CISD1: variants seen among roughly 807,000 people sequenced by gnomAD.
The protein encoded by CISD1 is CDGSH iron-sulfur domain-containing protein 1.
In CISD1, 8 loss-of-function variants were observed where a neutral mutation model predicts 12.0. That is an observed-to-expected ratio of 0.67 (90% CI 0.39 to 1.20). The LOEUF is 1.20. CISD1 is among the 50% of genes most tolerant of loss of function. The pLI is 0.01. For missense variants in CISD1, 107 were observed against 132.7 expected (o/e 0.81, Z 0.95); for synonymous variants, 38 against 42.2 (o/e 0.90, Z 0.39).
intron 2 of CISD1, among the ~76,000 whole-genome samples, chr10:58,286,049 C>T (rs992822805): frequency 6.6e-6 from 1 of 151,648 alleles, no homozygotes; most frequent in African/African-American, 2.4e-5. Context: ...ACTAAAAATA[C>T]AAAAAATTAG....
rs951139883 is a variant in CISD1 at position 58,288,847 on chromosome 10, A to T, written c.*1197A>T. On this transcript the variant is annotated 3_prime_UTR_variant, in exon 3 of 3. Coordinates refer to ENST00000333926, the MANE Select transcript of CISD1 (RefSeq NM_018464.5). ...ATTGAAATTGATAAAGCAGGTAAAC[A>T]TCATCATTTATTTTAGTATACATGA... The T allele has an allele frequency of 3.9e-5, 6 of 152,294 alleles. No homozygotes were observed. Among genetic ancestry groups the T allele is most frequent in the Non-Finnish European group, 8.8e-5 (6 of 67,972 alleles). The allele number at this position is 152,294 out of a possible 1,614,324, so 9.4% of individuals were successfully genotyped here.
At chr10:58,279,346 T>C (rs1839349993) in intron 2 of CISD1, among the ~76,000 whole-genome samples, 1 of 152,074 alleles carries the variant, frequency 6.6e-6, no homozygotes, top group Admixed American at 6.5e-5. Flanking sequence ...TCCAAAACAT[T>C]TTGGATTTCA....
At position 58,269,247 on chromosome 10, in the gene CISD1, T is replaced by G; in HGVS notation, c.-27T>G. ...AACCCGTTTGAGCTCGGTATCCTAG[T>G]GCACACGCCTTGCAAGCGACGGCGC... On this transcript the variant is annotated 5_prime_UTR_variant, in exon 1 of 3. Transcript: ENST00000333926. 6.2e-7 allele frequency: 1 copy of G among 1,606,732 alleles called. No individual in the cohort carries two copies. Among genetic ancestry groups the G allele is most frequent in the East Asian group, 2.2e-5 (1 of 44,852 alleles).
At chr10:58,274,483 G>T (rs1588980137) in intron 1 of CISD1, among the ~76,000 whole-genome samples, 1 of 96,302 alleles carries the variant, frequency 1.0e-5, no homozygotes. Flanking sequence ...GGGAACTGTT[G>T]CATTTGTCCC....
chr10:58,286,065 C>G (rs1420915410), intron 2 of CISD1, among the ~76,000 whole-genome samples: 1 of 151,730 alleles, frequency 6.6e-6, no homozygotes, highest in Non-Finnish European at 1.5e-5. Flanking sequence ...ATTAGCCGGG[C>G]GTAGTGGCGG....
intron 2 of CISD1, chr10:58,282,939 G>A (rs1839388767): frequency 6.6e-6 from 1 of 152,132 alleles, no homozygotes; most frequent in African/African-American, 2.4e-5. Context: ...CGGCCACCTA[G>A]GAGGCAGTTC....
chr10:58,284,297 CTG>C (rs998456296), intron 2 of CISD1, among the ~76,000 whole-genome samples: 2 of 151,446 alleles, frequency 1.3e-5, no homozygotes, highest in African/African-American at 2.4e-5. Context: ...GATTGCACCA[CTG>C]TGCAATCTAA....
At chr10:58,285,455 T>G (rs1344184487) in intron 2 of CISD1, among the ~76,000 whole-genome samples, 3 of 152,258 alleles carry the variant, frequency 2.0e-5, no homozygotes, top group African/African-American at 7.2e-5. Flanking sequence ...CCTCTTACTT[T>G]ACTCTTCTAA....
rs1359128938 is a variant in CISD1, at chr10:58,289,518, T to C, written c.*1868T>C. On this transcript the variant is annotated 3_prime_UTR_variant, in exon 3 of 3. Transcript: ENST00000333926. The stretch of plus-strand genomic sequence containing the variant: ...ATTTTCAAGGTCATGTTAAAATGTT[T>C]ACATGCTTTTGAACTAGCATTCATT... The C allele has an allele frequency of 6.6e-6, 1 of 152,090 alleles. No homozygotes were observed. Among genetic ancestry groups the C allele is most frequent in the Non-Finnish European group, 1.5e-5 (1 of 67,912 alleles). The allele number at this position is 152,090 out of a possible 1,614,324, so 9.4% of individuals were successfully genotyped here.
In CISD1 at chr10:58,288,520, G is replaced by A. The variant is rs1015495126; in HGVS notation, c.*870G>A. 1 of 152,026 alleles carries A rather than the reference G, an allele frequency of 6.6e-6. No homozygotes were observed. The highest frequency in any genetic ancestry group is 1.5e-5 in the Non-Finnish European group (1 of 67,936). The allele number at this position is 152,026 out of a possible 1,614,324, so 9.4% of individuals were successfully genotyped here. On this transcript the variant is annotated 3_prime_UTR_variant, in exon 3 of 3. Coordinates refer to ENST00000333926, the MANE Select transcript of CISD1 (RefSeq NM_018464.5). ...GTCACAAGATTAGATCAAAGGCGTG[G>A]GAAGATTTTTTTTTTTCCCACTCTA...
At chr10:58,272,323 A>G (rs753089074) in intron 1 of CISD1, among the ~76,000 whole-genome samples, 3 of 151,192 alleles carry the variant, frequency 2.0e-5, no homozygotes, top group African/African-American at 7.3e-5. Context: ...TTTACCCTCA[A>G]GTTGCAACAT....
intron 1 of CISD1, among the ~76,000 whole-genome samples, chr10:58,275,468 A>G (rs547559523): frequency 7.2e-4 from 109 of 152,326 alleles, no homozygotes; most frequent in Non-Finnish European, 1.3e-3. Context: ...ATGTGTACCT[A>G]CTTAAAAAAT....
intron 2 of CISD1, among the ~76,000 whole-genome samples, chr10:58,277,630 ATTC>A (rs375943643): frequency 5.3e-4 from 79 of 149,156 alleles, no homozygotes; most frequent in African/African-American, 1.9e-3. Context: ...AATGAATCCT[ATTC>A]TTCTTTGCCT....
intron 1 of CISD1, 147 bp from the exon 2 acceptor site, chr10:58,276,970 C>T (rs1839321738): frequency 1.8e-6 from 1 of 564,776 alleles, no homozygotes; most frequent in African/African-American, 1.9e-5. Flanking sequence ...ACTATTATAC[C>T]AGTGTTTTCT....
intron 1 of CISD1, among the ~76,000 whole-genome samples, chr10:58,276,839 G>GT (rs1022386430): frequency 2.7e-5 from 4 of 150,296 alleles, no homozygotes; most frequent in African/African-American, 7.4e-5. Context: ...TGAGCTTTGG[G>GT]TTTTTTTTAC....
In CISD1 at chr10:58,281,744, C is replaced by T. The variant is rs927223762; in HGVS notation, c.237+4422C>T. 3.9e-5 allele frequency among the ~76,000 whole-genome samples: 6 copies of T among 152,258 alleles called. No individual in the cohort carries two copies. The East Asian group carries it at 9.6e-4, about 24-fold the overall frequency. ...TTACCAATGGAAAAAATGTTATATG[C>T]GATACAAATTTCAAATCTAATTCAT... is the stretch of plus-strand genomic sequence containing the variant. On this transcript the variant is annotated intron_variant, in intron 2 of 2. Transcript: ENST00000333926.
At chr10:58,269,402 C>G in intron 1 of CISD1, 98 bp downstream of exon 1, 1 of 1,154,804 alleles carries the variant, frequency 8.7e-7, no homozygotes. Flanking sequence ...TACGCGCCCG[C>G]CGGTCCTATA....
chr10:58,277,861 T>A (rs184864800), intron 2 of CISD1, among the ~76,000 whole-genome samples: 124 of 151,966 alleles, frequency 8.2e-4, no homozygotes, highest in Non-Finnish European at 1.4e-3. Flanking sequence ...GAAGTAAAAA[T>A]TTTTTTTGAG....
Position 58,277,182 on chromosome 10 carries a change from A to G in CISD1, c.97A>G (p.Arg33Gly), listed in dbSNP as rs1839324611. The change falls in exon 2 of 3, where the codon AGA becomes GGA. Residue 33 changes from arginine to glycine, a missense_variant. Transcript: ENST00000333926. ...TGCAATTGGTTATCTAGCTTACAAA[A>G]GATTTTATGTTAAAGATCATCGAAA... ...TAAIGYLAYKRFYVKDHRNKA... is the reference protein window; with the variant it reads ...TAAIGYLAYKGFYVKDHRNKA... 1 of 1,612,612 alleles carries G rather than the reference A, an allele frequency of 6.2e-7. No homozygotes were observed. The highest frequency in any genetic ancestry group is 1.1e-5 in the South Asian group (1 of 90,822).
Sources: gnomAD v4.1 joint callset for allele counts (sites outside exome capture counted in the v4.1 genomes callset) on GRCh38, gnomAD v4.1.1 for gene constraint, MANE v1.5 for transcripts, NCBI Gene and HGNC (gene_info 2026-07-23, HGNC 2026-07-21) for gene names.